The following CRIM1 variants were observed in gnomAD, a reference collection of about 807,000 sequenced individuals.
CRIM1 encodes the protein cysteine-rich motor neuron 1 protein.
CRIM1 carries 32 observed loss-of-function variants against 116.4 expected under a neutral mutation model. The ratio of observed to expected loss-of-function variants is 0.27; its 90% confidence interval spans 0.21 to 0.37. The LOEUF is 0.37. CRIM1 is among the 10% of genes least tolerant of loss of function. The pLI, the probability that CRIM1 is intolerant of heterozygous loss-of-function variation, is 1.00. For synonymous variants in CRIM1, 590 were observed against 509.2 expected, an observed-to-expected ratio of 1.16 and a Z score of -2.13; for missense variants, 1,331 against 1,354.8, an observed-to-expected ratio of 0.98 and a Z score of 0.28.
chr2:36,534,530 GGA>G (rs1666378528), intron 13 of CRIM1, among the ~76,000 whole-genome samples: 2 of 137,474 alleles, frequency 1.5e-5, no homozygotes, highest in South Asian at 5.1e-4. Context: ...GGGAAGGGAG[GGA>G]GAGGAAGGAA....
intron 1 of CRIM1, among the ~76,000 whole-genome samples, chr2:36,385,466 A>G (rs1455622320): frequency 6.6e-6 from 1 of 152,124 alleles, no homozygotes; most frequent in East Asian, 1.9e-4. Context: ...GTTTTCCTCG[A>G]TGATAGATTA....
At chr2:36,403,462 G>T (rs985950805) in intron 2 of CRIM1, among the ~76,000 whole-genome samples, 4 of 152,210 alleles carry the variant, frequency 2.6e-5, no homozygotes, top group African/African-American at 9.6e-5. Flanking sequence ...ATAAATCAAG[G>T]AAGGTTTTGT....
In CRIM1 at chr2:36,473,953, T is replaced by G. The variant is rs533793032; in HGVS notation, c.992-2936T>G. Among the ~76,000 whole-genome samples, 25 of 152,220 alleles carry G rather than the reference T, an allele frequency of 1.6e-4. No individual in the cohort carries two copies. In the South Asian group the frequency reaches 5.0e-3, roughly 30 times the overall value. On this transcript the variant is annotated intron_variant, in intron 5 of 16. Transcript: ENST00000280527. ...AACTGTTTTCCAAAGCAGCTGTGCT[T>G]TTACATCCTCACTAAAAATCTATGA...
chr2:36,464,303 G>A (rs182684007), intron 4 of CRIM1, among the ~76,000 whole-genome samples: 1 of 152,290 alleles, frequency 6.6e-6, no homozygotes, highest in East Asian at 1.9e-4. Context: ...CTGTCAAAAT[G>A]GTTAAAGTTA....
At chr2:36,404,809 G>A (rs3770923) in intron 2 of CRIM1, among the ~76,000 whole-genome samples, 5 of 151,946 alleles carry the variant, frequency 3.3e-5, no homozygotes, top group Non-Finnish European at 5.9e-5. Flanking sequence ...TTTTAAAAGC[G>A]CAGATAACAG....
rs764178371 is a variant in CRIM1 at position 36,479,523 on chromosome 2, G to A, written c.1201G>A (p.Ala401Thr). The A allele has an allele frequency of 1.3e-5, 21 of 1,614,178 alleles. No homozygotes were observed. Among genetic ancestry groups the A allele is most frequent in the South Asian group, 2.2e-5 (2 of 91,086 alleles). Residue 401 changes from alanine to threonine, a missense_variant, in exon 7 of 17, where the codon GCT (alanine) becomes ACT (threonine). Transcript: ENST00000280527. ...TCCAGTGTATCCTTTTAATAATCCC[G>A]CTGGCTGCTATGCCAATGGCCTGAT... ...EDPVYPFNNPAGCYANGLILA... is the reference protein window; with the variant it reads ...EDPVYPFNNPTGCYANGLILA...
At chr2:36,526,135 G>T (rs1283219675) in intron 13 of CRIM1, among the ~76,000 whole-genome samples, 1 of 152,174 alleles carries the variant, frequency 6.6e-6, no homozygotes, top group Non-Finnish European at 1.5e-5. Context: ...AAGAAACTAA[G>T]TAGTAATTAC....
intron 1 of CRIM1, among the ~76,000 whole-genome samples, chr2:36,373,091 A>C (rs1670054016): frequency 6.6e-6 from 1 of 152,204 alleles, no homozygotes; most frequent in Non-Finnish European, 1.5e-5. Flanking sequence ...CTTTATCAGC[A>C]GAAGGAGTAT....
intron 5 of CRIM1, among the ~76,000 whole-genome samples, chr2:36,466,845 C>G (rs971374944): frequency 3.9e-5 from 6 of 152,172 alleles, no homozygotes; most frequent in African/African-American, 1.4e-4. Flanking sequence ...TCATTTGTCC[C>G]CTGAAAATAT....
At chr2:36,456,575 A>G (rs1161409887) in intron 4 of CRIM1, among the ~76,000 whole-genome samples, 2 of 152,108 alleles carry the variant, frequency 1.3e-5, no homozygotes, top group Non-Finnish European at 2.9e-5. Context: ...GTGAAAGCAG[A>G]TGCCATTGTC....
Position 36,550,947 on chromosome 2 carries a change from C to G in CRIM1, c.*2246C>G, listed in dbSNP as rs945048025. 9 of 152,580 alleles carry G rather than the reference C, an allele frequency of 5.9e-5. No individual in the cohort carries two copies. The highest frequency in any genetic ancestry group is 4.6e-4 in the Admixed American group (7 of 15,286). 9.5% of individuals were successfully genotyped at this position (152,580 alleles called of 1,614,324 possible). On this transcript the variant is annotated 3_prime_UTR_variant, in exon 17 of 17. Coordinates refer to ENST00000280527, the MANE Select transcript of CRIM1 (RefSeq NM_016441.3). The stretch of plus-strand genomic sequence containing the variant: ...TTTATCCTGAGTGCTGTATCTATTA[C>G]TCTTTTACTTTGGTTCCTGTTGTGC...
intron 13 of CRIM1, among the ~76,000 whole-genome samples, chr2:36,531,407 T>G (rs1027228984): frequency 2.0e-4 from 31 of 151,812 alleles, no homozygotes; most frequent in South Asian, 1.0e-3. Context: ...GTTTTTTGTT[T>G]TTTTTTTTTT....
At chr2:36,481,645 A>G (rs1260969300) in intron 7 of CRIM1, among the ~76,000 whole-genome samples, 1 of 152,222 alleles carries the variant, frequency 6.6e-6, no homozygotes, top group Non-Finnish European at 1.5e-5. Flanking sequence ...TAACCTTCAG[A>G]GCAACACTGC....
intron 7 of CRIM1, among the ~76,000 whole-genome samples, chr2:36,495,475 ATTT>A (rs1024205619): frequency 1.5e-5 from 2 of 129,642 alleles, no homozygotes; most frequent in South Asian, 5.1e-4. Context: ...TTATTTATTT[ATTT>A]TTTTTTTTTT....
intron 5 of CRIM1, among the ~76,000 whole-genome samples, chr2:36,472,622 A>C (rs975964478): frequency 1.3e-5 from 2 of 152,126 alleles, no homozygotes; most frequent in African/African-American, 2.4e-5. Flanking sequence ...CCTGCCCTCC[A>C]CACTTCCTCA....
intron 14 of CRIM1, among the ~76,000 whole-genome samples, chr2:36,541,601 A>G (rs1010396260): frequency 1.3e-5 from 2 of 152,202 alleles, no homozygotes; most frequent in African/African-American, 4.8e-5. Flanking sequence ...AGAAGAGGAC[A>G]TTTTAAGGAA....
chr2:36,380,756 G>A (rs1166783693), intron 1 of CRIM1, among the ~76,000 whole-genome samples: 1 of 152,148 alleles, frequency 6.6e-6, no homozygotes, highest in Non-Finnish European at 1.5e-5. Flanking sequence ...AAATCAGTGA[G>A]GTCAGAGGAC....
chr2:36,470,237 T>A (rs1033354777), intron 5 of CRIM1, among the ~76,000 whole-genome samples: 2 of 152,186 alleles, frequency 1.3e-5, no homozygotes, highest in African/African-American at 4.8e-5. Flanking sequence ...TCTTTTCACT[T>A]TGGTTTTAAT....
chr2:36,414,617 G>C (rs933144745), intron 2 of CRIM1, among the ~76,000 whole-genome samples: 4 of 152,220 alleles, frequency 2.6e-5, no homozygotes, highest in Admixed American at 6.5e-5. Context: ...CTGAAGAGCT[G>C]ATGTTTTAAG....
Sources: gnomAD v4.1 joint callset for allele counts (sites outside exome capture counted in the v4.1 genomes callset) on GRCh38, gnomAD v4.1.1 for gene constraint, MANE v1.5 for transcripts, NCBI Gene and HGNC (gene_info 2026-07-23, HGNC 2026-07-21) for gene names.